The following IL1RAPL2 variants were observed in gnomAD, a reference collection of about 807,000 sequenced individuals.
IL1RAPL2 encodes the protein X-linked interleukin-1 receptor accessory protein-like 2.
IL1RAPL2 carries 3 observed loss-of-function variants against 44.1 expected under a neutral mutation model. That is an observed-to-expected ratio of 0.07 (90% CI 0.03 to 0.18). The LOEUF (loss-of-function observed/expected upper bound fraction) is 0.18, where lower values mean the gene tolerates loss of function less well. IL1RAPL2 is among the 10% of genes least tolerant of loss of function. The pLI, the probability that IL1RAPL2 is intolerant of heterozygous loss-of-function variation, is 1.00. For missense variants in IL1RAPL2, 391 were observed against 496.4 expected (o/e 0.79, Z 2.02); for synonymous variants, 181 against 178.8 (o/e 1.01, Z -0.10).
At chrX:105,036,552 A>G (rs2031632374) in intron 2 of IL1RAPL2, among the ~76,000 whole-genome samples, 1 of 112,075 alleles carries the variant, frequency 8.9e-6, no homozygotes, top group South Asian at 3.7e-4. Flanking sequence ...CTAAAATAAA[A>G]TAAAAATTCC....
At chrX:104,999,204 A>G (rs1414776443) in intron 2 of IL1RAPL2, among the ~76,000 whole-genome samples, 1 of 111,756 alleles carries the variant, frequency 8.9e-6, no homozygotes, top group Non-Finnish European at 1.9e-5. Context: ...ATCTAGATGC[A>G]GCTCTTTAAT....
chrX:105,255,760 T>G (rs1246645606), intron 4 of IL1RAPL2, among the ~76,000 whole-genome samples: 1 of 112,021 alleles, frequency 8.9e-6, no homozygotes, highest in Non-Finnish European at 1.9e-5. Context: ...TTCCAGCTTT[T>G]TCCCATTCAG....
At chrX:105,267,331 T>G in intron 4 of IL1RAPL2, 57 bp from the exon 5 acceptor site, 47 of 1,006,871 alleles carry the variant, frequency 4.7e-5, no homozygotes, top group Non-Finnish European at 6.0e-5. Flanking sequence ...TTGCTGGTAC[T>G]GAGATGTAGT....
chrX:104,779,168 G>A (rs746722687), intron 2 of IL1RAPL2, among the ~76,000 whole-genome samples: 1 of 112,518 alleles, frequency 8.9e-6, no homozygotes, highest in South Asian at 3.7e-4. Flanking sequence ...TTGTTATTAG[G>A]AAGATATAAT....
intron 6 of IL1RAPL2, among the ~76,000 whole-genome samples, chrX:105,609,565 G>A (rs1465870617): frequency 2.7e-5 from 3 of 111,803 alleles, no homozygotes; most frequent in Non-Finnish European, 5.6e-5. Context: ...TGGAACCTGA[G>A]TATGGCGAAG....
intron 5 of IL1RAPL2, among the ~76,000 whole-genome samples, chrX:105,376,017 T>G (rs1473217062): frequency 1.8e-5 from 2 of 111,876 alleles, no homozygotes; most frequent in Non-Finnish European, 3.8e-5. Flanking sequence ...AATTCTTACA[T>G]TCCAGTTTGT....
intron 2 of IL1RAPL2, among the ~76,000 whole-genome samples, chrX:104,777,547 T>TATTATC (rs1173248225): frequency 2.2e-5 from 1 of 45,154 alleles, no homozygotes; most frequent in African/African-American, 7.0e-5. Flanking sequence ...TTTCAATTAT[T>TATTATC]ATTATTATTA....
intron 5 of IL1RAPL2, among the ~76,000 whole-genome samples, chrX:105,355,999 A>T (rs187541950): frequency 1.8e-5 from 2 of 111,545 alleles, no homozygotes; most frequent in Admixed American, 1.9e-4. Context: ...ACCACCGTAA[A>T]ATACCTGCTT....
chrX:104,976,109 G>A (rs2147723732), intron 2 of IL1RAPL2, among the ~76,000 whole-genome samples: 1 of 111,315 alleles, frequency 9.0e-6, no homozygotes, highest in Non-Finnish European at 1.9e-5. Context: ...ACCATGCTTA[G>A]GTAAAATCTG....
intron 6 of IL1RAPL2, among the ~76,000 whole-genome samples, chrX:105,568,240 T>C (rs1167160624): frequency 5.4e-5 from 6 of 111,553 alleles, no homozygotes; most frequent in Non-Finnish European, 9.4e-5. Context: ...TCTTGAGTGG[T>C]GATACTGCTC....
At chrX:105,223,040 C>T (rs2033981510) in intron 3 of IL1RAPL2, among the ~76,000 whole-genome samples, 1 of 109,909 alleles carries the variant, frequency 9.1e-6, no homozygotes, top group Non-Finnish European at 1.9e-5. Flanking sequence ...GTCCCAGCTA[C>T]TTGGGAGGCT....
intron 2 of IL1RAPL2, among the ~76,000 whole-genome samples, chrX:104,946,379 C>CAAGAAAAAAAA (rs1925354655): frequency 1.1e-4 from 1 of 9,140 alleles, no homozygotes; most frequent in Non-Finnish European, 1.6e-4. Context: ...GACTCCGTCT[C>CAAGAAAAAAAA]AAAAAAAAAA....
chrX:105,061,220 G>A (rs2032072294), intron 2 of IL1RAPL2, among the ~76,000 whole-genome samples: 1 of 110,727 alleles, frequency 9.0e-6, no homozygotes, highest in South Asian at 3.8e-4. Context: ...GTATCCCATA[G>A]GTTTTGGTAT....
chrX:105,051,249 A>G (rs2031919144), intron 2 of IL1RAPL2, among the ~76,000 whole-genome samples: 1 of 789 alleles, frequency 1.3e-3, no homozygotes, highest in Admixed American at 0.024. Context: ...GAGAAGACAG[A>G]GGCCAGGCAG....
intron 1 of IL1RAPL2, among the ~76,000 whole-genome samples, chrX:104,568,709 A>T (rs755727351): frequency 1.8e-5 from 2 of 111,710 alleles, no homozygotes; most frequent in Non-Finnish European, 3.8e-5. Context: ...GCTTCCCCAA[A>T]GATAGCAATT....
chrX:105,528,588 T>C (rs1179465583), intron 6 of IL1RAPL2, among the ~76,000 whole-genome samples: 1 of 111,864 alleles, frequency 8.9e-6, no homozygotes, highest in Admixed American at 9.5e-5. Flanking sequence ...TTTACCTAGA[T>C]TAACCAGTTG....
chrX:104,636,901 G>A (rs1213920408), intron 1 of IL1RAPL2, among the ~76,000 whole-genome samples: 8 of 111,363 alleles, frequency 7.2e-5, no homozygotes, highest in Non-Finnish European at 1.3e-4. Flanking sequence ...TACCTCAGTT[G>A]GAAATGCAGA....
intron 6 of IL1RAPL2, among the ~76,000 whole-genome samples, chrX:105,489,623 C>A (rs2036294660): frequency 9.0e-6 from 1 of 111,047 alleles, no homozygotes; most frequent in African/African-American, 3.3e-5. Flanking sequence ...CTCTGTTCTT[C>A]TGACTGATGA....
At chrX:104,644,952 C>T (rs1052053616) in intron 1 of IL1RAPL2, among the ~76,000 whole-genome samples, 1 of 111,696 alleles carries the variant, frequency 9.0e-6, no homozygotes, top group African/African-American at 3.3e-5. Flanking sequence ...AGCCTTTTTA[C>T]TTGGCTAAAT....
Sources: allele counts gnomAD v4.1 joint callset (sites outside exome capture counted in the v4.1 genomes callset), GRCh38; gene constraint gnomAD v4.1.1; transcripts MANE v1.5; gene names NCBI Gene and HGNC (gene_info 2026-07-23, HGNC 2026-07-21).